Variants in DCC observed in about 807,000 individuals in gnomAD.
The protein encoded by DCC is DCC netrin 1 receptor.
In DCC, 58 loss-of-function variants were observed where a neutral mutation model predicts 172.5. That is an observed-to-expected ratio of 0.34 (90% CI 0.27 to 0.42). The LOEUF is 0.42. Ranked by LOEUF, DCC falls within the 10% of genes least tolerant of loss-of-function variation. The probability of loss-of-function intolerance (pLI) is 1.00; values close to 1 mark genes in which losing one functional copy is unlikely to be tolerated. For missense variants in DCC, 1,740 were observed against 1,791.0 expected, an observed-to-expected ratio of 0.97 and a Z score of 0.51; for synonymous variants, 709 against 644.5, an observed-to-expected ratio of 1.10 and a Z score of -1.52.
chr18:52,383,292 C>T (rs774485023), intron 1 of DCC, among the ~76,000 whole-genome samples: 12 of 152,020 alleles, frequency 7.9e-5, no homozygotes, highest in African/African-American at 9.7e-5. Context: ...GCAAGAGAGG[C>T]GGTATTACAA....
At chr18:53,009,001 GAAC>G (rs1241553346) in intron 5 of DCC, among the ~76,000 whole-genome samples, 1 of 151,880 alleles carries the variant, frequency 6.6e-6, no homozygotes, top group Non-Finnish European at 1.5e-5. Context: ...AAGTAGACCT[GAAC>G]ATTTAGGTTA....
intron 1 of DCC, among the ~76,000 whole-genome samples, chr18:52,667,997 C>T (rs545698387): frequency 6.6e-6 from 1 of 152,002 alleles, no homozygotes; most frequent in South Asian, 2.1e-4. Context: ...TCTTTTTAAC[C>T]CCTTACTTTT....
chr18:52,933,433 A>C (rs1248616023), intron 5 of DCC, among the ~76,000 whole-genome samples: 1 of 150,432 alleles, frequency 6.6e-6, no homozygotes, highest in African/African-American at 2.4e-5. Flanking sequence ...GGAGAGTATG[A>C]GAATGGGGGA....
chr18:53,139,721 T>A (rs2043802270), intron 7 of DCC, among the ~76,000 whole-genome samples: 1 of 152,138 alleles, frequency 6.6e-6, no homozygotes, highest in Non-Finnish European at 1.5e-5. Flanking sequence ...TGAGGACACA[T>A]AACTGGTATG....
chr18:53,247,108 G>A (rs943450047), intron 12 of DCC, among the ~76,000 whole-genome samples: 1 of 152,040 alleles, frequency 6.6e-6, no homozygotes, highest in Non-Finnish European at 1.5e-5. Context: ...AGAGTATCAT[G>A]AGCCATGAAA....
intron 2 of DCC, among the ~76,000 whole-genome samples, chr18:52,896,079 C>A (rs2039724971): frequency 6.6e-6 from 1 of 152,050 alleles, no homozygotes; most frequent in Admixed American, 6.6e-5. Flanking sequence ...GCCACTGCAC[C>A]CAGCCGTGGT....
chr18:53,406,504 A>T (rs1463901373), intron 19 of DCC, among the ~76,000 whole-genome samples: 1 of 152,066 alleles, frequency 6.6e-6, no homozygotes, highest in African/African-American at 2.4e-5. Context: ...CATGAGTTCA[A>T]AACCAGCCTG....
chr18:53,136,735 G>A (rs775008621), intron 7 of DCC, among the ~76,000 whole-genome samples: 1 of 152,148 alleles, frequency 6.6e-6, no homozygotes. Context: ...TCATCAAATT[G>A]TGTATGGGCA....
chr18:53,420,515 G>A (rs1910585991), intron 21 of DCC, among the ~76,000 whole-genome samples: 1 of 152,098 alleles, frequency 6.6e-6, no homozygotes, highest in South Asian at 2.1e-4. Context: ...TATTCTCAGA[G>A]CTCTGGAAGC....
chr18:52,644,520 G>A (rs8085879), intron 1 of DCC, among the ~76,000 whole-genome samples: 1 of 150,280 alleles, frequency 6.7e-6, no homozygotes, highest in African/African-American at 2.5e-5. Flanking sequence ...CGGAGCTTGC[G>A]GTGAACCGAG....
At chr18:53,346,392 T>A (rs1373181960) in intron 15 of DCC, among the ~76,000 whole-genome samples, 1 of 152,120 alleles carries the variant, frequency 6.6e-6, no homozygotes, top group Non-Finnish European at 1.5e-5. Context: ...CCACATTCCC[T>A]CTGAGACTAT....
chr18:52,460,899 A>G (rs1000776015), intron 1 of DCC, among the ~76,000 whole-genome samples: 9 of 152,220 alleles, frequency 5.9e-5, no homozygotes, highest in Admixed American at 3.3e-4. Flanking sequence ...CTAGGACATG[A>G]TGTACACTAT....
chr18:53,203,219 G>C (rs955470618), intron 9 of DCC, among the ~76,000 whole-genome samples: 1 of 151,466 alleles, frequency 6.6e-6, no homozygotes, highest in Admixed American at 6.6e-5. Context: ...GTGTGTGTGT[G>C]TGTGTGTGTG....
chr18:52,943,516 T>A (rs1365931213), intron 5 of DCC, among the ~76,000 whole-genome samples: 2 of 152,212 alleles, frequency 1.3e-5, no homozygotes, highest in Admixed American at 1.3e-4. Flanking sequence ...GTAAAAATGT[T>A]TTGTAATCTC....
intron 12 of DCC, among the ~76,000 whole-genome samples, chr18:53,261,566 C>G (rs1225152319): frequency 6.6e-6 from 1 of 152,174 alleles, no homozygotes; most frequent in African/African-American, 2.4e-5. Flanking sequence ...GCATACCTGT[C>G]TCCAAAGTCT....
chr18:52,782,772 T>G (rs1378181801), intron 2 of DCC, among the ~76,000 whole-genome samples: 1 of 152,172 alleles, frequency 6.6e-6, no homozygotes, highest in South Asian at 2.1e-4. Flanking sequence ...ACAAGAAAAA[T>G]CAGCATATCC....
At chr18:53,358,391 A>T (rs923239636) in intron 15 of DCC, among the ~76,000 whole-genome samples, 1 of 152,108 alleles carries the variant, frequency 6.6e-6, no homozygotes, top group Non-Finnish European at 1.5e-5. Context: ...TGTAATAGAT[A>T]GTAGGCTTAA....
At position 52,925,216 on chromosome 18, in the gene DCC, C is replaced by T; in HGVS notation, c.849-18C>T. On this transcript the variant is annotated intron_variant, in intron 4 of 28. Coordinates refer to ENST00000442544, the MANE Select transcript of DCC (RefSeq NM_005215.4). ...ATACATATGTTAATTTACTCTGCAC[C>T]TTCCCTATGTCTTGCAGGTCTAAAA... The T allele has an allele frequency of 1.2e-6, 2 of 1,610,440 alleles. No homozygotes were observed. Among genetic ancestry groups the T allele is most frequent in the Non-Finnish European group, 1.7e-6 (2 of 1,177,218 alleles).
chr18:53,378,666 A>G (rs906330764), intron 15 of DCC, among the ~76,000 whole-genome samples: 2 of 152,180 alleles, frequency 1.3e-5, no homozygotes, highest in African/African-American at 4.8e-5. Context: ...AGCACCTTCT[A>G]TCTGCCCAGC....
Sources: allele counts gnomAD v4.1 joint callset (sites outside exome capture counted in the v4.1 genomes callset), GRCh38; gene constraint gnomAD v4.1.1; transcripts MANE v1.5; gene names NCBI Gene and HGNC (gene_info 2026-07-23, HGNC 2026-07-21).